The following MOXD1 variants were observed in gnomAD, a reference collection of about 807,000 sequenced individuals.
The protein encoded by MOXD1 is monooxygenase DBH like 1.
MOXD1 carries 62 observed loss-of-function variants against 66.6 expected under a neutral mutation model. The observed-to-expected ratio is 0.93, with a 90% CI of 0.76 to 1.15. The LOEUF (loss-of-function observed/expected upper bound fraction) is 1.15. MOXD1 is among the 50% of genes most tolerant of loss of function. The pLI, the probability that MOXD1 is intolerant of heterozygous loss-of-function variation, is 0.00. For synonymous variants in MOXD1, 303 were observed against 281.9 expected (o/e 1.07, Z -0.75); for missense variants, 847 against 754.6 (o/e 1.12, Z -1.44).
intron 4 of MOXD1, among the ~76,000 whole-genome samples, chr6:132,334,063 C>T (rs1251565538): frequency 1.3e-5 from 2 of 152,166 alleles, no homozygotes; most frequent in Non-Finnish European, 2.9e-5. Context: ...TTGACAACGA[C>T]CGTTTTTCCT....
rs541098584 is a variant in MOXD1, at chr6:132,323,978, G to C, written c.1066C>G (p.Pro356Ala). 1.2e-6 allele frequency: 2 copies of C among 1,613,424 alleles called. No homozygotes were observed. Among genetic ancestry groups the C allele is most frequent in the African/African-American group, 2.7e-5 (2 of 74,860 alleles). ...CAGTGACCCTCAGACTGGAACTCAG[G>C]CATCCCTGGAGGGATGGTATGGAAG... ...SLFHTIPPGM[P>A]EFQSEGHCTL... Residue 356 changes from proline (P) to alanine (A), a missense_variant, in exon 7 of 12, where the codon CCT (proline) becomes GCT (alanine). By Grantham distance (27) the Pro-to-Ala change is conservative (BLOSUM62 -1). Transcript: ENST00000367963.
Position 132,322,806 on chromosome 6 carries a change from G to C in MOXD1, c.1178C>G (p.Ala393Gly), listed in dbSNP as rs759128564. ...VFAVLLHAHLAGRGIRLRHFR... is the reference protein window; with the variant it reads ...VFAVLLHAHLGGRGIRLRHFR... The stretch of plus-strand genomic sequence containing the variant: ...ATGACGCAGCCTGATGCCTCTGCCA[G>C]CCAGGTGAGCATGGAGAAGAACAGC... Residue 393 changes from alanine to glycine, a missense_variant, in exon 8 of 12, where the codon GCT becomes GGT. Transcript: ENST00000367963. 6.2e-7 allele frequency: 1 copy of C among 1,614,018 alleles called. No homozygotes were observed. The highest frequency in any genetic ancestry group is 8.5e-7 in the Non-Finnish European group (1 of 1,179,984).
intron 10 of MOXD1, among the ~76,000 whole-genome samples, chr6:132,302,554 A>T (rs1312912914): frequency 2.6e-5 from 4 of 152,164 alleles, no homozygotes; most frequent in African/African-American, 9.6e-5. Flanking sequence ...TAGAGAAATG[A>T]AAGAACAGTA....
rs148598639 is a variant in MOXD1, at chr6:132,330,110, T to G, written c.664-1516A>C. ...CCAGAGATTCTATATGCAGACCAAA[T>G]GGAGCCTTGTACTTGGTGTAGGTGG... On this transcript the variant is annotated intron_variant, in intron 4 of 11. Coordinates refer to ENST00000367963, the MANE Select transcript of MOXD1 (RefSeq NM_015529.4). Among the ~76,000 whole-genome samples the G allele has an allele frequency of 6.6e-4, 100 of 152,282 alleles. No individual in the cohort carries two copies. In the Middle Eastern group the frequency reaches 0.01, roughly 16 times the overall value.
intron 4 of MOXD1, among the ~76,000 whole-genome samples, chr6:132,343,016 A>G (rs1191896118): frequency 6.6e-6 from 1 of 152,202 alleles, no homozygotes; most frequent in African/African-American, 2.4e-5. Flanking sequence ...AAGGAGACAG[A>G]ACTATGCACT....
intron 1 of MOXD1, among the ~76,000 whole-genome samples, chr6:132,377,206 A>G (rs930309422): frequency 1.3e-5 from 2 of 152,216 alleles, no homozygotes; most frequent in Non-Finnish European, 2.9e-5. Flanking sequence ...CTGGGTTGCA[A>G]TTGTGAAAGC....
intron 1 of MOXD1, among the ~76,000 whole-genome samples, chr6:132,381,369 C>A (rs577074756): frequency 1.3e-5 from 2 of 152,074 alleles, no homozygotes; most frequent in Non-Finnish European, 2.9e-5. Flanking sequence ...TCAAACACAG[C>A]CTTAATGCTG....
intron 4 of MOXD1, among the ~76,000 whole-genome samples, chr6:132,342,896 A>C (rs771218308): frequency 6.6e-6 from 1 of 152,226 alleles, no homozygotes; most frequent in African/African-American, 2.4e-5. Flanking sequence ...AATTTCTGCC[A>C]GTCCTATGCA....
chr6:132,347,570 G>T (rs1489950037), intron 4 of MOXD1, among the ~76,000 whole-genome samples: 2 of 151,934 alleles, frequency 1.3e-5, no homozygotes, highest in Non-Finnish European at 2.9e-5. Context: ...CCAGCTACTT[G>T]AGAGGCTGAG....
chr6:132,392,221 A>G (rs1185380118), intron 1 of MOXD1: 1 of 1,599,318 alleles, frequency 6.3e-7, no homozygotes, highest in East Asian at 2.2e-5. Flanking sequence ...CTTCCTCAGC[A>G]AGTGGCCCGG....
intron 4 of MOXD1, among the ~76,000 whole-genome samples, chr6:132,348,768 G>A (rs188038902): frequency 1.2e-3 from 190 of 152,126 alleles, no homozygotes; most frequent in African/African-American, 4.4e-3. Context: ...GGCAGATAAA[G>A]GAAGAAATCT....
chr6:132,355,326 C>T (rs901139503), intron 4 of MOXD1, among the ~76,000 whole-genome samples: 13 of 152,152 alleles, frequency 8.5e-5, no homozygotes, highest in Admixed American at 4.6e-4. Context: ...GGTCCTTTCC[C>T]ACTGCTTCCT....
intron 10 of MOXD1, among the ~76,000 whole-genome samples, chr6:132,300,845 A>G (rs544737508): frequency 4.2e-4 from 64 of 152,204 alleles, no homozygotes; most frequent in African/African-American, 1.4e-3. Flanking sequence ...TCTCATATTT[A>G]TCATCTCCTT....
At chr6:132,351,122 T>C (rs1775791436) in intron 4 of MOXD1, among the ~76,000 whole-genome samples, 1 of 152,148 alleles carries the variant, frequency 6.6e-6, no homozygotes, top group Non-Finnish European at 1.5e-5. Flanking sequence ...CTGATTTGGA[T>C]GCCCTTTATT....
chr6:132,298,636 C>T (rs900025819), intron 10 of MOXD1, among the ~76,000 whole-genome samples: 2 of 151,924 alleles, frequency 1.3e-5, no homozygotes, highest in African/African-American at 4.8e-5. Flanking sequence ...CAAAAGAAGA[C>T]ATACATAAGG....
rs913324748 is a variant in MOXD1, at chr6:132,392,396, A to T, written c.264+8767T>A. On this transcript the variant is annotated intron_variant, in intron 1 of 11. Coordinates refer to ENST00000367963, the MANE Select transcript of MOXD1 (RefSeq NM_015529.4). The stretch of plus-strand genomic sequence containing the variant: ...CAATTTTCATGCAAATTCAACAGGC[A>T]TATTCAACAACGTTGCTCTCTTCTC... 2.0e-6 allele frequency: 3 copies of T among 1,476,636 alleles called. No homozygotes were observed. The Admixed American group carries it at 6.6e-5, about 32-fold the overall frequency. The allele number at this position is 1,476,636 out of a possible 1,614,324, so 91.5% of individuals were successfully genotyped here. A position where few individuals can be genotyped will look rare whatever the true frequency, so the allele number is the denominator to read the frequency against.
At chr6:132,330,932 G>A (rs1013054626) in intron 4 of MOXD1, among the ~76,000 whole-genome samples, 2 of 152,106 alleles carry the variant, frequency 1.3e-5, no homozygotes, top group Non-Finnish European at 2.9e-5. Context: ...CCACACCTAA[G>A]CCTCAGGTAC....
At chr6:132,393,762 C>A (rs1042240555) in intron 1 of MOXD1, among the ~76,000 whole-genome samples, 19 of 152,338 alleles carry the variant, frequency 1.2e-4, no homozygotes, top group African/African-American at 4.3e-4. Flanking sequence ...ACCTCCATAT[C>A]CCTGGAGCCC....
chr6:132,380,971 A>G (rs1002256768), intron 1 of MOXD1, among the ~76,000 whole-genome samples: 2 of 152,224 alleles, frequency 1.3e-5, no homozygotes, highest in African/African-American at 4.8e-5. Flanking sequence ...GGGTTTATAC[A>G]TGCAACAACT....
Sources: gnomAD v4.1 joint callset for allele counts (sites outside exome capture counted in the v4.1 genomes callset) on GRCh38, gnomAD v4.1.1 for gene constraint, MANE v1.5 for transcripts, NCBI Gene and HGNC (gene_info 2026-07-23, HGNC 2026-07-21) for gene names.